RIPOR2: variants seen among roughly 807,000 people sequenced by gnomAD.
RIPOR2 encodes the protein RHO family interacting cell polarization regulator 2, also known as rho family-interacting cell polarization regulator 2.
A neutral mutation model predicts 114.5 loss-of-function variants in RIPOR2; 39 were observed. The ratio of observed to expected loss-of-function variants is 0.34; its 90% CI spans 0.26 to 0.44. The LOEUF (loss-of-function observed/expected upper bound fraction) is 0.44, where lower values mean the gene tolerates loss of function less well. Among genes scored for constraint, RIPOR2 ranks in the 20% least tolerant of loss-of-function variants. The probability of loss-of-function intolerance (pLI) is 1.00; values close to 1 mark genes in which losing one functional copy is unlikely to be tolerated. For synonymous variants in RIPOR2, 445 were observed against 484.4 expected (o/e 0.92, Z 1.07); for missense variants, 1,007 against 1,255.1 (o/e 0.80, Z 2.99).
At chr6:24,829,920 G>T (rs1461229592) in intron 17 of RIPOR2, among the ~76,000 whole-genome samples, 2 of 152,146 alleles carry the variant, frequency 1.3e-5, no homozygotes, top group Non-Finnish European at 2.9e-5. Flanking sequence ...TGGTGAAATT[G>T]TAATGAAAGA....
chr6:24,907,000 C>T (rs1769069241), intron 1 of RIPOR2, among the ~76,000 whole-genome samples: 1 of 152,080 alleles, frequency 6.6e-6, no homozygotes, highest in African/African-American at 2.4e-5. Context: ...AGAATAATTG[C>T]CCAGTAAACA....
At chr6:25,023,259 T>G in intron 1 of RIPOR2, 1 of 727,522 alleles carries the variant, frequency 1.4e-6, no homozygotes, top group Non-Finnish European at 2.5e-6. Context: ...TATTTGGCAG[T>G]GACCTTGCTC....
intron 8 of RIPOR2, among the ~76,000 whole-genome samples, chr6:24,857,959 G>A (rs1426646315): frequency 6.6e-6 from 1 of 152,110 alleles, no homozygotes; most frequent in Admixed American, 6.5e-5. Context: ...CAGCCACACC[G>A]GTCTACTTGT....
intron 1 of RIPOR2, chr6:25,015,596 T>G (rs2113691074): frequency 6.6e-6 from 1 of 152,324 alleles, no homozygotes; most frequent in East Asian, 1.9e-4. Flanking sequence ...GTGGGACAAT[T>G]CAGTCACTTT....
intron 12 of RIPOR2, among the ~76,000 whole-genome samples, chr6:24,845,406 T>A (rs1762161102): frequency 6.6e-6 from 1 of 152,158 alleles, no homozygotes; most frequent in South Asian, 2.1e-4. Flanking sequence ...GGGGGTTCCT[T>A]AGGCTTCTAG....
In RIPOR2 at chr6:24,817,601, A is replaced by C. The variant is rs1371441414; in HGVS notation, c.2952+941T>G. 1.9e-4 allele frequency among the ~76,000 whole-genome samples: 8 copies of C among 41,454 alleles called. 4 individuals are homozygous for C. The allele number at this position is 41,454 out of a possible 152,430, so 27.2% of individuals were successfully genotyped here. A position where few individuals can be genotyped will look rare whatever the true frequency, so the allele number is the denominator to read the frequency against. Reference sequence around the variant, plus strand: ...TGTCTGGCACTCCCTAGTGAGATGAACCCGGTACCTCAGATGGAAATGCAG... The same window carrying C: ...TGTCTGGCACTCCCTAGTGAGATGACCCCGGTACCTCAGATGGAAATGCAG... On this transcript the variant is annotated intron_variant, in intron 20 of 21. Transcript: ENST00000643898.
intron 19 of RIPOR2, among the ~76,000 whole-genome samples, chr6:24,821,073 A>G (rs1403671309): frequency 1.3e-5 from 2 of 151,204 alleles, no homozygotes; most frequent in East Asian, 1.9e-4. Flanking sequence ...GGGTTTCACT[A>G]TGTTGGCCAG....
intron 1 of RIPOR2, among the ~76,000 whole-genome samples, chr6:24,908,785 G>A (rs977969574): frequency 1.3e-5 from 2 of 152,192 alleles, no homozygotes; most frequent in African/African-American, 2.4e-5. Flanking sequence ...CCTTGGGTGG[G>A]TCCCTTCTCT....
intron 2 of RIPOR2, among the ~76,000 whole-genome samples, chr6:24,874,530 C>T (rs141120305): frequency 6.6e-6 from 1 of 152,284 alleles, no homozygotes; most frequent in East Asian, 1.9e-4. Flanking sequence ...ACTGCTGAAA[C>T]CTGAAAGCTC....
chr6:24,833,506 AC>A lies in RIPOR2; in HGVS notation c.2209-1116del, dbSNP rs559954260. On this transcript the variant is annotated intron_variant, in intron 15 of 21. Transcript: ENST00000643898. ...ACAGAGTGAGATTGTCTCAAAAAAA[AC>A]AAAAACAAAAACAACAACAACAAAA... Among the ~76,000 whole-genome samples, 1,171 of 151,326 alleles carry A rather than the reference AC, an allele frequency of 7.7e-3. 4 individuals are homozygous for A. The highest frequency in any genetic ancestry group is 0.013 in the Non-Finnish European group (867 of 67,772).
intron 1 of RIPOR2, among the ~76,000 whole-genome samples, chr6:25,031,750 T>A (rs9461092): frequency 0.017 from 1,077 of 62,112 alleles, 28 homozygotes; most frequent in Middle Eastern, 0.032. Context: ...TATATATATA[T>A]AAAATATCCA....
In RIPOR2 at chr6:25,010,760, AT is replaced by A. The variant is rs917994485; in HGVS notation, c.76+31090del. The stretch of plus-strand genomic sequence containing the variant: ...CTCCGTAAACGTTTCTTAAGCCAAC[AT>A]TTTTTTAGTGCTTGCTAGGTCTCTG... On this transcript the variant is annotated intron_variant, in intron 1 of 13. Transcript: ENST00000510784. Among the ~76,000 whole-genome samples the A allele has an allele frequency of 3.3e-5, 5 of 152,232 alleles. No individual in the cohort carries two copies. In the East Asian group the frequency reaches 9.6e-4, roughly 29 times the overall value.
At chr6:24,948,781 T>G (rs1772596832) in intron 1 of RIPOR2, among the ~76,000 whole-genome samples, 1 of 152,220 alleles carries the variant, frequency 6.6e-6, no homozygotes, top group Non-Finnish European at 1.5e-5. Context: ...TCCGCTCACC[T>G]TGGCCTCCCA....
At chr6:24,991,359 TA>T (rs1774805930) in intron 1 of RIPOR2, among the ~76,000 whole-genome samples, 1 of 152,256 alleles carries the variant, frequency 6.6e-6, no homozygotes, top group African/African-American at 2.4e-5. Flanking sequence ...ATAACCTATA[TA>T]ATTTGACAAT....
At chr6:24,850,100 T>TTA in intron 10 of RIPOR2, 150 bp from the exon 11 acceptor site, 2 of 478,336 alleles carry the variant, frequency 4.2e-6, no homozygotes, top group East Asian at 7.8e-5. Flanking sequence ...TCTTTTTCTT[T>TTA]TTTTTTTTTT....
chr6:24,868,323 G>A (rs1764827799), intron 6 of RIPOR2, among the ~76,000 whole-genome samples: 1 of 152,188 alleles, frequency 6.6e-6, no homozygotes, highest in Non-Finnish European at 1.5e-5. Flanking sequence ...GCTGGGAATA[G>A]AACCTAGGGC....
intron 1 of RIPOR2, among the ~76,000 whole-genome samples, chr6:24,922,728 C>T (rs916081658): frequency 4.6e-5 from 7 of 151,340 alleles, no homozygotes; most frequent in African/African-American, 1.2e-4. Flanking sequence ...GGTGTGTTGG[C>T]GTGCACCTGT....
chr6:24,937,973 G>C (rs640380), upstream of RIPOR2, among the ~76,000 whole-genome samples: 20,783 of 152,004 alleles, frequency 0.14, 1,584 homozygotes, highest in East Asian at 0.33. Context: ...GAGGGCCCTA[G>C]CTATTCCACT....
intron 1 of RIPOR2, chr6:24,929,159 T>C (rs1384176011): frequency 6.6e-6 from 1 of 152,162 alleles, no homozygotes; most frequent in African/African-American, 2.4e-5. Flanking sequence ...TCAAAATCTT[T>C]CTCTTAAAAA....
Sources: allele counts gnomAD v4.1 joint callset (sites outside exome capture counted in the v4.1 genomes callset), GRCh38; gene constraint gnomAD v4.1.1; transcripts MANE v1.5; gene names NCBI Gene and HGNC (gene_info 2026-07-23, HGNC 2026-07-21).